ADAMTS20: variants seen among roughly 807,000 people sequenced by gnomAD.
ADAMTS20 encodes ADAM metallopeptidase with thrombospondin type 1 motif 20.
ADAMTS20 carries 225 observed loss-of-function variants against 260.1 expected under a neutral mutation model. The observed-to-expected ratio is 0.87, with a 90% CI of 0.78 to 0.97. The LOEUF (loss-of-function observed/expected upper bound fraction) is 0.97, where lower values mean the gene tolerates loss of function less well. Among genes scored for constraint, ADAMTS20 ranks in the 50% least tolerant of loss-of-function variants. ADAMTS20 has a pLI of 0.00. For missense variants in ADAMTS20, 2,400 were observed against 2,337.7 expected (o/e 1.03, Z -0.55); for synonymous variants, 802 against 769.5 (o/e 1.04, Z -0.70).
At chr12:43,354,333 A>T (rs539494019) in intron 38 of ADAMTS20, 35 bp from the exon 39 acceptor site, 3 of 1,472,982 alleles carry the variant, frequency 2.0e-6, no homozygotes, top group East Asian at 4.8e-5. Flanking sequence ...GAAGAATCTT[A>T]TACAAGCTGG....
At chr12:43,431,614 A>G in intron 21 of ADAMTS20, 118 bp from the exon 22 acceptor site, 1 of 1,193,062 alleles carries the variant, frequency 8.4e-7, no homozygotes, top group Non-Finnish European at 1.2e-6. Context: ...TCCCAAATGC[A>G]TTTTCCCTCA....
At chr12:43,458,401 C>T (rs1367628704) in intron 11 of ADAMTS20, among the ~76,000 whole-genome samples, 1 of 152,188 alleles carries the variant, frequency 6.6e-6, no homozygotes, top group Non-Finnish European at 1.5e-5. Context: ...CCTACGAAAT[C>T]TTCCTTCAGT....
At chr12:43,366,919 T>G (rs1939999063) in intron 37 of ADAMTS20, among the ~76,000 whole-genome samples, 1 of 151,960 alleles carries the variant, frequency 6.6e-6, no homozygotes, top group Non-Finnish European at 1.5e-5. Flanking sequence ...TGTAAGGGAA[T>G]ACTATGAACA....
At chr12:43,451,829 C>T (rs182733562) in intron 14 of ADAMTS20, among the ~76,000 whole-genome samples, 433 of 152,126 alleles carry the variant, frequency 2.8e-3, no homozygotes, top group Middle Eastern at 3.4e-3. Flanking sequence ...GCTACTCAAT[C>T]AATGTTTGTT....
At chr12:43,376,354 T>G (rs1243119757) in intron 33 of ADAMTS20, 24 bp from the exon 34 acceptor site, 1 of 1,517,338 alleles carries the variant, frequency 6.6e-7, no homozygotes. Context: ...TTAACACAAC[T>G]TAACACAGAG....
chr12:43,528,911 A>G (rs1943183962), intron 3 of ADAMTS20, among the ~76,000 whole-genome samples: 1 of 152,190 alleles, frequency 6.6e-6, no homozygotes, highest in South Asian at 2.1e-4. Flanking sequence ...CATCTGACAA[A>G]AGACTGGTAT....
intron 3 of ADAMTS20, among the ~76,000 whole-genome samples, chr12:43,524,701 G>T (rs1005189468): frequency 6.6e-6 from 1 of 152,120 alleles, no homozygotes; most frequent in Non-Finnish European, 1.5e-5. Flanking sequence ...GATATACTTA[G>T]GGAAATACAA....
At chr12:43,424,191 C>G (rs1941287641) in intron 28 of ADAMTS20, among the ~76,000 whole-genome samples, 1 of 151,970 alleles carries the variant, frequency 6.6e-6, no homozygotes, top group South Asian at 2.1e-4. Flanking sequence ...ATTATAAACT[C>G]AAATCAGTTC....
intron 28 of ADAMTS20, among the ~76,000 whole-genome samples, chr12:43,404,306 A>G (rs144702413): frequency 0.023 from 3,444 of 152,050 alleles, 56 homozygotes; most frequent in African/African-American, 0.032. Flanking sequence ...AATAATACCA[A>G]CGCACCATGA....
chr12:43,408,961 G>C (rs1247198019), intron 28 of ADAMTS20, among the ~76,000 whole-genome samples: 1 of 152,122 alleles, frequency 6.6e-6, no homozygotes, highest in Non-Finnish European at 1.5e-5. Context: ...ATTAGATAAT[G>C]TATGAAGAAA....
chr12:43,433,562 G>A (rs1234597137), intron 19 of ADAMTS20, among the ~76,000 whole-genome samples: 1 of 152,062 alleles, frequency 6.6e-6, no homozygotes, highest in Admixed American at 6.6e-5. Flanking sequence ...TTCTCATCAA[G>A]TGAAAGAGGT....
chr12:43,497,985 G>T (rs182549373), intron 4 of ADAMTS20, among the ~76,000 whole-genome samples: 3 of 152,116 alleles, frequency 2.0e-5, no homozygotes, highest in Admixed American at 1.3e-4. Context: ...AGAAAAAACT[G>T]CTCTAGTTTA....
chr12:43,443,945 T>G, intron 15 of ADAMTS20, 62 bp from the exon 16 acceptor site: 1 of 1,326,938 alleles, frequency 7.5e-7, no homozygotes, highest in Non-Finnish European at 1.1e-6. Context: ...AGGTTATTAC[T>G]GCTGAATGGA....
At chr12:43,425,084 G>A (rs1941305416) in intron 28 of ADAMTS20, among the ~76,000 whole-genome samples, 1 of 152,170 alleles carries the variant, frequency 6.6e-6, no homozygotes, top group Admixed American at 6.5e-5. Context: ...GCCGTAATAA[G>A]GAATGATATC....
intron 3 of ADAMTS20, among the ~76,000 whole-genome samples, chr12:43,514,731 T>C (rs970595270): frequency 2.5e-4 from 38 of 152,162 alleles, no homozygotes; most frequent in Non-Finnish European, 8.8e-5. Flanking sequence ...TCCAAACTCT[T>C]CCTCTATTAT....
rs770507465 is a variant in ADAMTS20 at position 43,432,798 on chromosome 12, C to T, written c.2734G>A (p.Gly912Ser). ...TDCELRWHVI[G>S]KSECSSQCGQ... is the part of the protein sequence containing the mutation. The stretch of plus-strand genomic sequence containing the variant: ...CATTGGGATGAACATTCACTTTTGC[C>T]AATAACATGCCACCTTGAAAAAAGA... Residue 912 changes from glycine to serine, a missense_variant, in exon 20 of 39, where the codon GGC becomes AGC. Coordinates refer to ENST00000389420, the MANE Select transcript of ADAMTS20 (RefSeq NM_025003.5). 1.2e-6 allele frequency: 2 copies of T among 1,613,382 alleles called. No individual in the cohort carries two copies. The highest frequency in any genetic ancestry group is 1.3e-5 in the African/African-American group (1 of 74,886).
intron 7 of ADAMTS20, among the ~76,000 whole-genome samples, chr12:43,484,625 C>T (rs1381697853): frequency 6.6e-6 from 1 of 151,804 alleles, no homozygotes; most frequent in Non-Finnish European, 1.5e-5. Context: ...CAAATTAACC[C>T]AATCAGACAA....
Position 43,354,261 on chromosome 12 carries a change from C to T in ADAMTS20, c.5681G>A (p.Cys1894Tyr), listed in dbSNP as rs1460059292. ...AGTCATGTGAGGAAGACACTTTCCA[C>T]AGTACCCTCCACATTTGCCGAAAAA... ...TRFFGKCGGY[C>Y]GKCLPHMTTG... The change falls in exon 39 of 39, where the codon TGT (cysteine) becomes TAT (tyrosine). Residue 1894 changes from cysteine (C) to tyrosine (Y), a missense_variant. Cys to Tyr is a radical substitution (Grantham distance 194). Coordinates refer to ENST00000389420, the MANE Select transcript of ADAMTS20 (RefSeq NM_025003.5). 3 of 1,593,960 alleles carry T rather than the reference C, an allele frequency of 1.9e-6. No individual in the cohort carries two copies. In the South Asian group the frequency reaches 3.4e-5, roughly 18 times the overall value.
At chr12:43,549,886 A>AT (rs1194995958) in intron 2 of ADAMTS20, among the ~76,000 whole-genome samples, 1 of 152,210 alleles carries the variant, frequency 6.6e-6, no homozygotes, top group African/African-American at 2.4e-5. Context: ...AATGTTATCA[A>AT]TTTTTTATTT....
Sources: allele counts gnomAD v4.1 joint callset (sites outside exome capture counted in the v4.1 genomes callset), GRCh38; gene constraint gnomAD v4.1.1; transcripts MANE v1.5; gene names NCBI Gene and HGNC (gene_info 2026-07-23, HGNC 2026-07-21).